The following ZNF708 variants were observed in gnomAD, a reference collection of about 807,000 sequenced individuals.
The protein encoded by ZNF708 is ZNF15, ZNF15L1.
In ZNF708, 44 loss-of-function variants were observed where a neutral mutation model predicts 47.0. That is an observed-to-expected ratio of 0.94 (90% CI 0.74 to 1.20). ZNF708 has a LOEUF of 1.20. ZNF708 is among the 50% of genes most tolerant of loss of function. The probability of loss-of-function intolerance (pLI) is 0.00; values close to 1 mark genes in which losing one functional copy is unlikely to be tolerated. For synonymous variants in ZNF708, 184 were observed against 218.5 expected, an observed-to-expected ratio of 0.84 and a Z score of 1.39; for missense variants, 557 against 656.0, an observed-to-expected ratio of 0.85 and a Z score of 1.65.
At chr19:21,320,034 G>A (rs12462022) in intron 1 of ZNF708, among the ~76,000 whole-genome samples, 77,977 of 151,902 alleles carry the variant, frequency 0.51, 20,197 homozygotes, top group Middle Eastern at 0.67. Flanking sequence ...AAATTAGCCA[G>A]GTGTGGTAGC....
chr19:21,329,362 C>T lies in ZNF708; in HGVS notation c.-150G>A. 15 of 1,276,178 alleles carry T rather than the reference C, an allele frequency of 1.2e-5. No homozygotes were observed. The highest frequency in any genetic ancestry group is 1.7e-5 in the Non-Finnish European group (15 of 904,072). 79.1% of individuals were successfully genotyped at this position (1,276,178 alleles called of 1,614,324 possible). Reference sequence around the variant, plus strand: ...TCCGGCTGCAGCAAGAGACAAAGGCCGCGCCAAACCCGGAAGCCGCCCTGT... The same window carrying T: ...TCCGGCTGCAGCAAGAGACAAAGGCTGCGCCAAACCCGGAAGCCGCCCTGT... On this transcript the variant is annotated 5_prime_UTR_variant, in exon 1 of 4. Transcript: ENST00000356929.
At chr19:21,305,835 A>G (rs978219821) in intron 3 of ZNF708, among the ~76,000 whole-genome samples, 3 of 152,156 alleles carry the variant, frequency 2.0e-5, no homozygotes, top group African/African-American at 7.2e-5. Context: ...ATACTTTCTG[A>G]TTTCAAAACA....
At chr19:21,318,733 A>T (rs918799504) in intron 1 of ZNF708, 1 of 152,234 alleles carries the variant, frequency 6.6e-6, no homozygotes, top group African/African-American at 2.4e-5. Flanking sequence ...ACGAACTGGA[A>T]TCTGACTTTG....
intron 3 of ZNF708, among the ~76,000 whole-genome samples, chr19:21,302,464 G>A (rs1972678741): frequency 6.6e-6 from 1 of 152,126 alleles, no homozygotes; most frequent in South Asian, 2.1e-4. Flanking sequence ...TTGAGAGGCT[G>A]AGGCGGGTGT....
chr19:21,303,870 ATC>A (rs1228780621), intron 3 of ZNF708, among the ~76,000 whole-genome samples: 2 of 152,018 alleles, frequency 1.3e-5, no homozygotes, highest in Non-Finnish European at 2.9e-5. Flanking sequence ...TAACTATTAT[ATC>A]TCTCTCTATA....
intron 3 of ZNF708, among the ~76,000 whole-genome samples, chr19:21,300,211 CAA>C (rs370885126): frequency 1.1e-4 from 11 of 103,728 alleles, no homozygotes; most frequent in Non-Finnish European, 1.6e-4. Flanking sequence ...GACTCCGTCT[CAA>C]AAAAAAAAAA....
intron 3 of ZNF708, among the ~76,000 whole-genome samples, chr19:21,300,057 A>T (rs1972622387): frequency 6.6e-6 from 1 of 152,112 alleles, no homozygotes; most frequent in South Asian, 2.1e-4. Context: ...CATGTCTGTA[A>T]TCCAAGCACT....
intron 1 of ZNF708, among the ~76,000 whole-genome samples, chr19:21,327,530 C>T (rs950572686): frequency 4.3e-4 from 32 of 73,848 alleles, no homozygotes; most frequent in Admixed American, 2.5e-4. Flanking sequence ...GAAACTCCAC[C>T]TCAAAAAAAA....
At chr19:21,304,055 A>C (rs932403358) in intron 3 of ZNF708, among the ~76,000 whole-genome samples, 1 of 152,186 alleles carries the variant, frequency 6.6e-6, no homozygotes, top group Non-Finnish European at 1.5e-5. Flanking sequence ...TTTTACCTAC[A>C]GAGGAATACC....
At chr19:21,328,363 G>A (rs889850113) in intron 1 of ZNF708, among the ~76,000 whole-genome samples, 3 of 152,182 alleles carry the variant, frequency 2.0e-5, no homozygotes, top group South Asian at 4.1e-4. Flanking sequence ...AAAAACAGTT[G>A]AGAATGTGAA....
At chr19:21,307,151 AATATAAT>A (rs201359391) in intron 3 of ZNF708, among the ~76,000 whole-genome samples, 8 of 136,666 alleles carry the variant, frequency 5.9e-5, no homozygotes, top group African/African-American at 1.6e-4. Context: ...AATAAAATAA[AATATAAT>A]ATAAAATAAA....
chr19:21,316,989 G>A (rs1973028039), intron 1 of ZNF708, among the ~76,000 whole-genome samples: 1 of 151,808 alleles, frequency 6.6e-6, no homozygotes, highest in Admixed American at 6.6e-5. Flanking sequence ...GTTTCTCCAT[G>A]TTGGTCAGGC....
chr19:21,305,038 G>T (rs1306667625), intron 3 of ZNF708, among the ~76,000 whole-genome samples: 1 of 151,208 alleles, frequency 6.6e-6, no homozygotes, highest in Admixed American at 6.6e-5. Flanking sequence ...TTGAGATGGA[G>T]TCTCGCTCTG....
In ZNF708 at chr19:21,291,898, G is replaced by A. The variant is rs1222032342; in HGVS notation, c.*1376C>T. The A allele has an allele frequency of 6.6e-6, 1 of 152,046 alleles. No homozygotes were observed. The highest frequency in any genetic ancestry group is 1.5e-5 in the Non-Finnish European group (1 of 68,014). The allele number at this position is 152,046 out of a possible 1,614,324, so 9.4% of individuals were successfully genotyped here. ...CAAACAAACAAAAAAAGTATACTTT[G>A]AATGTAATTACAAACTTCCAAAAAA... On this transcript the variant is annotated 3_prime_UTR_variant, in exon 4 of 4. Transcript: ENST00000356929.
chr19:21,316,635 T>A (rs1015012837), intron 1 of ZNF708, among the ~76,000 whole-genome samples: 1 of 152,180 alleles, frequency 6.6e-6, no homozygotes, highest in Admixed American at 6.5e-5. Flanking sequence ...CCCCATGGTC[T>A]CTGAGTCAGC....
chr19:21,306,144 T>C (rs1333242301), intron 3 of ZNF708, among the ~76,000 whole-genome samples: 2 of 152,160 alleles, frequency 1.3e-5, no homozygotes, highest in Non-Finnish European at 2.9e-5. Context: ...TAGGAAAAAG[T>C]CATGTCATTG....
At chr19:21,307,128 A>AAAAAT (rs1164111080) in intron 3 of ZNF708, among the ~76,000 whole-genome samples, 6 of 145,432 alleles carry the variant, frequency 4.1e-5, no homozygotes, top group East Asian at 2.0e-4. Flanking sequence ...ATATAAAATA[A>AAAAAT]AAAATAAAAT....
chr19:21,304,349 T>G (rs572230174), intron 3 of ZNF708, among the ~76,000 whole-genome samples: 1 of 151,996 alleles, frequency 6.6e-6, no homozygotes, highest in East Asian at 1.9e-4. Context: ...AAACCATTTA[T>G]GAGGAATTTG....
At chr19:21,327,652 A>G (rs914741540) in intron 1 of ZNF708, among the ~76,000 whole-genome samples, 1 of 152,020 alleles carries the variant, frequency 6.6e-6, no homozygotes, top group Non-Finnish European at 1.5e-5. Flanking sequence ...ACTATGCCCC[A>G]GGTGCATTTT....
Sources: allele counts gnomAD v4.1 joint callset (sites outside exome capture counted in the v4.1 genomes callset), GRCh38; gene constraint gnomAD v4.1.1; transcripts MANE v1.5; gene names NCBI Gene and HGNC (gene_info 2026-07-23, HGNC 2026-07-21).